The following DENND1A variants were observed in gnomAD, a reference collection of about 807,000 sequenced individuals.
The protein encoded by DENND1A is DENN domain containing 1A, also known as DENN domain-containing protein 1A.
In DENND1A, 51 loss-of-function variants were observed where a neutral mutation model predicts 113.7. The observed-to-expected ratio is 0.45, with a 90% CI of 0.36 to 0.57. The LOEUF is 0.57. Ranked by LOEUF, DENND1A falls within the 20% of genes least tolerant of loss-of-function variation. DENND1A has a pLI of 0.00. For missense variants in DENND1A, 1,258 were observed against 1,395.9 expected, an observed-to-expected ratio of 0.90 and a Z score of 1.57; for synonymous variants, 565 against 570.8, an observed-to-expected ratio of 0.99 and a Z score of 0.14.
chr9:123,704,657 C>T (rs2066076825), intron 5 of DENND1A, among the ~76,000 whole-genome samples: 1 of 151,996 alleles, frequency 6.6e-6, no homozygotes, highest in Non-Finnish European at 1.5e-5. Context: ...TTGTGGACAA[C>T]TAAAATAATC....
chr9:123,620,783 A>AC (rs1256315373), intron 10 of DENND1A, among the ~76,000 whole-genome samples: 1 of 128,166 alleles, frequency 7.8e-6, no homozygotes, highest in Non-Finnish European at 1.7e-5. Context: ...ATCCCCTCCC[A>AC]CCCCTCCCAG....
At chr9:123,538,122 T>TGGTA (rs1380853387) in intron 13 of DENND1A, among the ~76,000 whole-genome samples, 2 of 152,320 alleles carry the variant, frequency 1.3e-5, no homozygotes, top group South Asian at 4.1e-4. Flanking sequence ...ATTATGCTCA[T>TGGTA]GGTAGTATGT....
chr9:123,475,353 T>G (rs1187149779), intron 13 of DENND1A, among the ~76,000 whole-genome samples: 1 of 152,154 alleles, frequency 6.6e-6, no homozygotes, highest in Admixed American at 6.5e-5. Flanking sequence ...CGAACATAAA[T>G]AAGTTATTAA....
At chr9:123,443,110 C>T (rs1234246787) in intron 18 of DENND1A, among the ~76,000 whole-genome samples, 2 of 152,136 alleles carry the variant, frequency 1.3e-5, no homozygotes, top group African/African-American at 2.4e-5. Flanking sequence ...GGAAATAGGG[C>T]TCAGAAGGGG....
At chr9:123,622,214 G>C (rs1285334882) in intron 10 of DENND1A, among the ~76,000 whole-genome samples, 3 of 152,172 alleles carry the variant, frequency 2.0e-5, no homozygotes, top group Non-Finnish European at 4.4e-5. Flanking sequence ...TGTCCTTTGG[G>C]GGAAAAGCAT....
At chr9:123,738,049 G>A (rs943346723) in intron 5 of DENND1A, among the ~76,000 whole-genome samples, 1 of 152,138 alleles carries the variant, frequency 6.6e-6, no homozygotes, top group Non-Finnish European at 1.5e-5. Context: ...TAAGAGAAAC[G>A]CTATCCTGAA....
At chr9:123,771,156 G>A (rs1233936480) in intron 3 of DENND1A, among the ~76,000 whole-genome samples, 2 of 152,154 alleles carry the variant, frequency 1.3e-5, no homozygotes, top group African/African-American at 4.8e-5. Context: ...ACTTTATAAT[G>A]TGGCATTCAG....
intron 1 of DENND1A, among the ~76,000 whole-genome samples, chr9:123,903,537 G>C (rs1307168897): frequency 6.6e-6 from 1 of 152,140 alleles, no homozygotes; most frequent in African/African-American, 2.4e-5. Context: ...AGCTGAAGCA[G>C]GGTGAGGCAT....
intron 5 of DENND1A, among the ~76,000 whole-genome samples, chr9:123,741,475 T>C (rs1204350225): frequency 6.6e-6 from 1 of 152,228 alleles, no homozygotes; most frequent in Non-Finnish European, 1.5e-5. Flanking sequence ...ATTTCAGGTA[T>C]TTCAGACAAT....
At chr9:123,747,650 TAA>T (rs1478263126) in intron 5 of DENND1A, among the ~76,000 whole-genome samples, 1 of 152,192 alleles carries the variant, frequency 6.6e-6, no homozygotes, top group Non-Finnish European at 1.5e-5. Flanking sequence ...TAAGTTTACG[TAA>T]AGTTTTAAGA....
intron 20 of DENND1A, among the ~76,000 whole-genome samples, chr9:123,407,899 C>T (rs1011204458): frequency 3.3e-5 from 5 of 152,202 alleles, no homozygotes; most frequent in Admixed American, 6.5e-5. Flanking sequence ...GTGCTTCACA[C>T]GCAGGCCGAC....
In DENND1A at chr9:123,656,204, G is replaced by C. The variant is rs561577053; in HGVS notation, c.508-4081C>G. Among the ~76,000 whole-genome samples, 5 of 152,298 alleles carry C rather than the reference G, an allele frequency of 3.3e-5. No individual in the cohort carries two copies. The South Asian group carries it at 1.0e-3, about 32-fold the overall frequency. On this transcript the variant is annotated intron_variant, in intron 8 of 23. Coordinates refer to ENST00000394215, the MANE Select transcript of DENND1A (RefSeq NM_001352964.2). The stretch of plus-strand genomic sequence containing the variant: ...TTCCAGGCAGAGGCAAAGACAGGGT[G>C]GGGAGAGGAGCGCACACGCAGGGAA...
intron 2 of DENND1A, among the ~76,000 whole-genome samples, chr9:123,795,873 T>G (rs2132114845): frequency 6.6e-6 from 1 of 152,314 alleles, no homozygotes; most frequent in South Asian, 2.1e-4. Flanking sequence ...AGTAACATAA[T>G]TTGCTTAGGC....
chr9:123,909,186 T>C (rs1853470786), intron 1 of DENND1A, among the ~76,000 whole-genome samples: 1 of 148,600 alleles, frequency 6.7e-6, no homozygotes, highest in Non-Finnish European at 1.5e-5. Context: ...TATCACACTA[T>C]GGGGCCTGTG....
At chr9:123,757,602 G>C in intron 5 of DENND1A, 101 bp downstream of exon 5, 1 of 1,521,118 alleles carries the variant, frequency 6.6e-7, no homozygotes, top group Non-Finnish European at 8.9e-7. Flanking sequence ...AAACAGATAG[G>C]AAAATGAAAT....
chr9:123,854,699 A>AT (rs916481406), intron 2 of DENND1A, among the ~76,000 whole-genome samples: 10 of 151,016 alleles, frequency 6.6e-5, no homozygotes, highest in South Asian at 2.1e-4. Context: ...TGTCTCAAAA[A>AT]AAAAATAAAA....
chr9:123,835,231 C>T (rs1307020033), intron 2 of DENND1A, among the ~76,000 whole-genome samples: 1 of 152,016 alleles, frequency 6.6e-6, no homozygotes, highest in East Asian at 1.9e-4. Flanking sequence ...GGAATCCTAG[C>T]TAGATGAACG....
chr9:123,624,784 A>T (rs563093796), intron 10 of DENND1A, among the ~76,000 whole-genome samples: 3 of 152,294 alleles, frequency 2.0e-5, no homozygotes, highest in South Asian at 2.1e-4. Context: ...AGTTTTTCAG[A>T]GTGCTAGAGT....
At chr9:123,917,411 TA>T in intron 1 of DENND1A, among the ~76,000 whole-genome samples, 1 of 152,278 alleles carries the variant, frequency 6.6e-6, no homozygotes, top group East Asian at 1.9e-4. Context: ...TTGAGCTGTC[TA>T]GGTATTGCGG....
Sources: gnomAD v4.1 joint callset for allele counts (sites outside exome capture counted in the v4.1 genomes callset) on GRCh38, gnomAD v4.1.1 for gene constraint, MANE v1.5 for transcripts, NCBI Gene and HGNC (gene_info 2026-07-23, HGNC 2026-07-21) for gene names.